Variants in CSMD1 observed in about 807,000 individuals in gnomAD.
CSMD1 encodes the protein CUB and sushi domain-containing protein 1.
Under a neutral mutation model 417.5 loss-of-function variants are expected in CSMD1, and 213 were observed. That is an observed-to-expected ratio of 0.51 (90% CI 0.46 to 0.57). The LOEUF (loss-of-function observed/expected upper bound fraction) is 0.57. CSMD1 is among the 20% of genes least tolerant of loss of function. CSMD1 has a pLI of 0.00. For synonymous variants in CSMD1, 2,862 were observed against 1,736.8 expected (o/e 1.65, Z -16.11); for missense variants, 6,923 against 4,529.7 (o/e 1.53, Z -15.17).
chr8:3,669,145 TA>T (rs769537219), intron 7 of CSMD1, among the ~76,000 whole-genome samples: 11 of 152,174 alleles, frequency 7.2e-5, no homozygotes, highest in Admixed American at 3.3e-4. Flanking sequence ...GCAGAATGGT[TA>T]AAACAAGGAA....
intron 23 of CSMD1, among the ~76,000 whole-genome samples, chr8:3,329,700 C>G (rs1047113410): frequency 5.3e-5 from 8 of 152,092 alleles, no homozygotes; most frequent in Non-Finnish European, 1.0e-4. Context: ...GCCCCGGGGC[C>G]GCATGGGCCT....
chr8:4,140,825 C>G (rs1803742307), intron 3 of CSMD1, among the ~76,000 whole-genome samples: 1 of 150,916 alleles, frequency 6.6e-6, no homozygotes, highest in Non-Finnish European at 1.5e-5. Context: ...GCTCAGCACC[C>G]TCACTCCAGG....
intron 5 of CSMD1, among the ~76,000 whole-genome samples, chr8:3,924,459 C>G (rs565064607): frequency 6.6e-6 from 1 of 152,092 alleles, no homozygotes; most frequent in Admixed American, 6.6e-5. Context: ...AGAAATTTAT[C>G]TTTCTCTGTT....
chr8:3,468,091 T>G (rs78382429), intron 12 of CSMD1, among the ~76,000 whole-genome samples: 2,786 of 152,294 alleles, frequency 0.018, 99 homozygotes, highest in African/African-American at 0.063. Context: ...CACAACTATA[T>G]AGACAATCAG....
intron 26 of CSMD1, among the ~76,000 whole-genome samples, chr8:3,275,616 C>A (rs1585890982): frequency 6.6e-6 from 1 of 152,132 alleles, no homozygotes; most frequent in Admixed American, 6.5e-5. Context: ...TTCTTGGAGG[C>A]TTTGCTCGTT....
chr8:3,026,154 C>G (rs1390277692), intron 51 of CSMD1, among the ~76,000 whole-genome samples: 1 of 152,156 alleles, frequency 6.6e-6, no homozygotes, highest in Non-Finnish European at 1.5e-5. Flanking sequence ...GAACTAAGTC[C>G]TTCCTGAAGT....
Position 4,157,598 on chromosome 8 carries a change from C to G in CSMD1, c.416-125499G>C, listed in dbSNP as rs1584927449. On this transcript the variant is annotated intron_variant, in intron 3 of 69. Coordinates refer to ENST00000635120, the MANE Select transcript of CSMD1 (RefSeq NM_033225.6). ...CTAAGACCCTCTGCCGGTCATGTAACAAATGCAAATCTTTCACGCAGAGTT... is the reference window on the plus strand; with the variant it reads ...CTAAGACCCTCTGCCGGTCATGTAAGAAATGCAAATCTTTCACGCAGAGTT... 4.6e-5 allele frequency among the ~76,000 whole-genome samples: 7 copies of G among 152,304 alleles called. No individual in the cohort carries two copies. In the South Asian group the frequency reaches 1.4e-3, roughly 32 times the overall value.
At chr8:4,989,033 C>T (rs1282346269) in intron 1 of CSMD1, among the ~76,000 whole-genome samples, 1 of 152,160 alleles carries the variant, frequency 6.6e-6, no homozygotes, top group Non-Finnish European at 1.5e-5. Context: ...TTTTAAAGTC[C>T]TTATGGAAAA....
At chr8:4,127,746 G>A (rs4527895) in intron 3 of CSMD1, among the ~76,000 whole-genome samples, 1 of 152,196 alleles carries the variant, frequency 6.6e-6, no homozygotes, top group East Asian at 1.9e-4. Context: ...CTATGTGCCA[G>A]CTACCAAGTC....
intron 10 of CSMD1, among the ~76,000 whole-genome samples, chr8:3,519,512 T>C (rs369819110): frequency 5.3e-5 from 8 of 152,128 alleles, no homozygotes; most frequent in Non-Finnish European, 1.2e-4. Context: ...GCTTGTCTAG[T>C]ATACAGCACA....
At chr8:3,521,441 G>A (rs1797504174) in intron 10 of CSMD1, among the ~76,000 whole-genome samples, 1 of 152,140 alleles carries the variant, frequency 6.6e-6, no homozygotes, top group South Asian at 2.1e-4. Flanking sequence ...AAGCTAGGAA[G>A]CTCACTGGCC....
intron 3 of CSMD1, among the ~76,000 whole-genome samples, chr8:4,075,390 A>C (rs1285232243): frequency 1.3e-5 from 2 of 152,158 alleles, no homozygotes; most frequent in Non-Finnish European, 2.9e-5. Context: ...AGAACAGAAA[A>C]AACTCAAATG....
intron 7 of CSMD1, among the ~76,000 whole-genome samples, chr8:3,635,793 CAAAAAAA>C (rs752552617): frequency 2.0e-4 from 20 of 99,264 alleles, no homozygotes; most frequent in African/African-American, 7.8e-4. Flanking sequence ...GCTTCCATCT[CAAAAAAA>C]AAAAAAAAAA....
chr8:3,138,331 G>C (rs939833217), intron 41 of CSMD1, among the ~76,000 whole-genome samples: 1 of 152,178 alleles, frequency 6.6e-6, no homozygotes, highest in Non-Finnish European at 1.5e-5. Context: ...GATACTCAGG[G>C]ATCCAGATGA....
chr8:4,976,241 C>G (rs1310243791), intron 1 of CSMD1, among the ~76,000 whole-genome samples: 1 of 152,174 alleles, frequency 6.6e-6, no homozygotes, highest in Non-Finnish European at 1.5e-5. Flanking sequence ...TACCCCAAAC[C>G]TCTGAGTTAA....
intron 5 of CSMD1, among the ~76,000 whole-genome samples, chr8:3,793,684 A>G (rs543105533): frequency 3.9e-5 from 6 of 152,166 alleles, no homozygotes; most frequent in East Asian, 3.9e-4. Context: ...CTCATGATTC[A>G]TTATTCAGGG....
rs150497512 is a variant in CSMD1, at chr8:4,542,944, G to A, written c.302+94398C>T. Reference sequence around the variant, plus strand: ...TCTTCAGGGCACCTGCCTCCATACAGTTATAATCATGGCATATTTGCAATT... The same window carrying A: ...TCTTCAGGGCACCTGCCTCCATACAATTATAATCATGGCATATTTGCAATT... On this transcript the variant is annotated intron_variant, in intron 2 of 69. Transcript: ENST00000635120. Among the ~76,000 whole-genome samples, 677 of 152,160 alleles carry A rather than the reference G, an allele frequency of 4.4e-3. 6 individuals carry two copies. Among genetic ancestry groups the A allele is most frequent in the African/African-American group, 0.015 (631 of 41,530 alleles).
chr8:4,868,015 C>A (rs565417704), intron 1 of CSMD1, among the ~76,000 whole-genome samples: 2 of 151,942 alleles, frequency 1.3e-5, no homozygotes, highest in African/African-American at 2.4e-5. Context: ...CTGCTAAATG[C>A]GGAAATGGCT....
chr8:4,365,150 A>G (rs1000021988), intron 3 of CSMD1, among the ~76,000 whole-genome samples: 4 of 152,198 alleles, frequency 2.6e-5, no homozygotes, highest in African/African-American at 9.6e-5. Flanking sequence ...ACAGCATATC[A>G]TATTTTTATT....
Sources: allele counts gnomAD v4.1 joint callset (sites outside exome capture counted in the v4.1 genomes callset), GRCh38; gene constraint gnomAD v4.1.1; transcripts MANE v1.5; gene names NCBI Gene and HGNC (gene_info 2026-07-23, HGNC 2026-07-21).